Variants in ANKRD12 observed in about 807,000 individuals in gnomAD.
ANKRD12 encodes the protein ankyrin repeat domain-containing protein 12.
Under a neutral mutation model 183.4 loss-of-function variants are expected in ANKRD12, and 85 were observed. The ratio of observed to expected loss-of-function variants is 0.46; its 90% confidence interval spans 0.39 to 0.56. The LOEUF is 0.56. ANKRD12 is among the 20% of genes least tolerant of loss of function. The pLI is 0.00. For missense variants in ANKRD12, 2,405 were observed against 2,357.1 expected (o/e 1.02, Z -0.42); for synonymous variants, 914 against 800.2 (o/e 1.14, Z -2.40).
intron 6 of ANKRD12, among the ~76,000 whole-genome samples, chr18:9,213,038 A>G (rs1280638696): frequency 1.3e-5 from 2 of 151,886 alleles, no homozygotes; most frequent in East Asian, 3.8e-4. Flanking sequence ...CTCTCATTAC[A>G]GTGTTTATTG....
chr18:9,245,437 G>T lies in ANKRD12; in HGVS notation c.944-8774G>T, dbSNP rs148323561. 1.4e-3 allele frequency among the ~76,000 whole-genome samples: 217 copies of T among 152,194 alleles called. 1 individual carries two copies. The highest frequency in any genetic ancestry group is 5.1e-3 in the African/African-American group (211 of 41,510). On this transcript the variant is annotated intron_variant, in intron 8 of 12. Coordinates refer to ENST00000262126, the MANE Select transcript of ANKRD12 (RefSeq NM_015208.5). ...ATCATACCACCACTCTCCAGCTGGG[G>T]CTACAGAGCTAGACCCTGTCTCAAA...
At chr18:9,248,691 GT>G (rs1233211897) in intron 8 of ANKRD12, among the ~76,000 whole-genome samples, 1 of 152,174 alleles carries the variant, frequency 6.6e-6, no homozygotes, top group African/African-American at 2.4e-5. Context: ...TGGCAAAAAT[GT>G]TCAACAGCTG....
intron 8 of ANKRD12, among the ~76,000 whole-genome samples, chr18:9,239,058 G>T (rs951996002): frequency 1.3e-5 from 2 of 152,186 alleles, no homozygotes; most frequent in Admixed American, 1.3e-4. Context: ...CTGGGAGGTC[G>T]AGGCTGCCAT....
At chr18:9,248,219 A>T (rs2038076933) in intron 8 of ANKRD12, among the ~76,000 whole-genome samples, 1 of 152,184 alleles carries the variant, frequency 6.6e-6, no homozygotes, top group Non-Finnish European at 1.5e-5. Flanking sequence ...GTTTAATAGG[A>T]GATCGTAATT....
intron 3 of ANKRD12, among the ~76,000 whole-genome samples, chr18:9,202,729 A>C (rs567905487): frequency 1.3e-5 from 2 of 152,344 alleles, no homozygotes; most frequent in Non-Finnish European, 2.9e-5. Flanking sequence ...AGTCTCATAC[A>C]GCCTAGTCTC....
Position 9,258,006 on chromosome 18 carries a change from A to C in ANKRD12, c.4739A>C (p.Tyr1580Ser), listed in dbSNP as rs1262871492. 1.2e-6 allele frequency: 2 copies of C among 1,613,720 alleles called. No homozygotes were observed. Among genetic ancestry groups the C allele is most frequent in the South Asian group, 2.2e-5 (2 of 91,052 alleles). The change falls in exon 9 of 13, where the codon TAT (tyrosine) becomes TCT (serine). Residue 1580 changes from tyrosine to serine, a missense_variant. Tyr to Ser is a moderately radical substitution (Grantham distance 144, BLOSUM62 -2). This residue lies in a region of ANKRD12 where 1,983 missense variants were observed against 1,725.9 expected (regional missense o/e 1.15). Coordinates refer to ENST00000262126, the MANE Select transcript of ANKRD12 (RefSeq NM_015208.5). ...QEASPNFEKA[Y>S]TLPVLPSEKD... ...GCATCACCAAACTTTGAGAAAGCTT[A>C]TACTTTACCTGTGTTACCATCAGAA...
At position 9,256,635 on chromosome 18, in the gene ANKRD12, A is replaced by C. The variant is rs549560546; in HGVS notation, c.3368A>C (p.Lys1123Thr). ...TGTTTAGAACTTAAAATAAAAGATAAAGAAAAAACAAAGCATACACCAACT... is the reference window on the plus strand; with the variant it reads ...TGTTTAGAACTTAAAATAAAAGATACAGAAAAAACAAAGCATACACCAACT... ...RNCLELKIKD[K>T]EKTKHTPTES... Residue 1123 changes from lysine (K) to threonine (T), a missense_variant, in exon 9 of 13, where the codon AAA (lysine) becomes ACA (threonine). By Grantham distance (78) the Lys-to-Thr change is moderately conservative. Around this residue, in one of 7 missense-constraint regions of ANKRD12, gnomAD observed 1,983 missense variants for 1,725.9 expected, o/e 1.15. Coordinates refer to ENST00000262126, the MANE Select transcript of ANKRD12 (RefSeq NM_015208.5). 6.8e-6 allele frequency: 11 copies of C among 1,606,604 alleles called. No individual in the cohort carries two copies. In the African/African-American group the frequency reaches 9.4e-5, roughly 14 times the overall value.
In ANKRD12 at chr18:9,234,398, G is replaced by A. The variant is rs192024971; in HGVS notation, c.943+12399G>A. Among the ~76,000 whole-genome samples, 30 of 152,282 alleles carry A rather than the reference G, an allele frequency of 2.0e-4. 1 individual carries two copies. The East Asian group carries it at 5.8e-3, about 29-fold the overall frequency. On this transcript the variant is annotated intron_variant, in intron 8 of 12. Coordinates refer to ENST00000262126, the MANE Select transcript of ANKRD12 (RefSeq NM_015208.5). The stretch of plus-strand genomic sequence containing the variant: ...CACACAGTTTGTGCTGCTGGTGGTG[G>A]GGTCACTTTTCACAGCTGTATGCAG...
Position 9,226,286 on chromosome 18 carries a change from G to A in ANKRD12, c.943+4287G>A, listed in dbSNP as rs762118606. Among the ~76,000 whole-genome samples the A allele has an allele frequency of 8.5e-5, 13 of 152,148 alleles. 1 individual carries two copies. The highest frequency in any genetic ancestry group is 1.7e-4 in the African/African-American group (7 of 41,500). On this transcript the variant is annotated intron_variant, in intron 8 of 12. Coordinates refer to ENST00000262126, the MANE Select transcript of ANKRD12 (RefSeq NM_015208.5). ...TAAAGGTACAAAAACTTAGCTGGGCGTGGTGGTGCGTGCCTGTAGTCCCAG... is the reference window on the plus strand; with the variant it reads ...TAAAGGTACAAAAACTTAGCTGGGCATGGTGGTGCGTGCCTGTAGTCCCAG...
At chr18:9,170,188 G>A (rs2032550919) in intron 1 of ANKRD12, among the ~76,000 whole-genome samples, 1 of 151,966 alleles carries the variant, frequency 6.6e-6, no homozygotes, top group Non-Finnish European at 1.5e-5. Context: ...ACAATTATGT[G>A]TCTTGGAGTT....
At position 9,204,515 on chromosome 18, in the gene ANKRD12, G is replaced by C. The variant is rs1347826848; in HGVS notation, c.275G>C (p.Arg92Thr). 2 of 1,602,444 alleles carry C rather than the reference G, an allele frequency of 1.2e-6. No individual in the cohort carries two copies. Among genetic ancestry groups the C allele is most frequent in the Admixed American group, 3.4e-5 (2 of 59,008 alleles). Residue 92 changes from arginine to threonine, a missense_variant, in exon 4 of 13, where the codon AGA (arginine) becomes ACA (threonine). Transcript: ENST00000262126. ...CATACAAGTGAAAATTGGGGGGAGA[G>C]ACTTATATCTTCTTACAGGACATAC... ...PGHTSENWGE[R>T]LISSYRTYSE...
chr18:9,236,668 GTTAT>G (rs1259657164), intron 8 of ANKRD12, among the ~76,000 whole-genome samples: 2 of 151,960 alleles, frequency 1.3e-5, no homozygotes, highest in Non-Finnish European at 2.9e-5. Flanking sequence ...GTGTATAATA[GTTAT>G]TTATAGGAAT....
rs780466529 is a variant in ANKRD12 at position 9,258,552 on chromosome 18, G to A, written c.5285G>A (p.Ser1762Asn). The A allele has an allele frequency of 6.2e-7, 1 of 1,613,752 alleles. No individual in the cohort carries two copies. Among genetic ancestry groups the A allele is most frequent in the South Asian group, 1.1e-5 (1 of 91,044 alleles). Residue 1762 changes from serine (S) to asparagine (N), a missense_variant, in exon 9 of 13, where the codon AGT becomes AAT. By Grantham distance (46) the Ser-to-Asn change is conservative (BLOSUM62 1). Around this residue, in one of 7 missense-constraint regions of ANKRD12, gnomAD observed 1,983 missense variants for 1,725.9 expected, o/e 1.15. Transcript: ENST00000262126. Reference sequence around the variant, plus strand: ...TGTACACTATTATCAGAAAAAGACAGTGAATCCTCATCTCCTAGAGGAAGA... The same window carrying A: ...TGTACACTATTATCAGAAAAAGACAATGAATCCTCATCTCCTAGAGGAAGA... ...ASCTLLSEKD[S>N]ESSSPRGRIR... is the part of the protein sequence containing the mutation.
At chr18:9,171,390 CTG>C (rs1365162072) in intron 1 of ANKRD12, among the ~76,000 whole-genome samples, 1 of 152,258 alleles carries the variant, frequency 6.6e-6, no homozygotes, top group East Asian at 1.9e-4. Context: ...TTTTGCCATT[CTG>C]TGTCTTTTAA....
In ANKRD12 at chr18:9,285,719, A is replaced by G. The variant is rs1417977342; in HGVS notation, c.*4593A>G. 5 of 152,186 alleles carry G rather than the reference A, an allele frequency of 3.3e-5. No individual in the cohort carries two copies. Among genetic ancestry groups the G allele is most frequent in the African/African-American group, 1.2e-4 (5 of 41,456 alleles). The allele number at this position is 152,186 out of a possible 1,614,324, so 9.4% of individuals were successfully genotyped here. ...TCTCTCCAGTCACTACCCCTGAGGCAGCCACTGTGCTGATTTCCCATCACC... is the reference window on the plus strand; with the variant it reads ...TCTCTCCAGTCACTACCCCTGAGGCGGCCACTGTGCTGATTTCCCATCACC... On this transcript the variant is annotated 3_prime_UTR_variant, in exon 13 of 13. Coordinates refer to ENST00000262126, the MANE Select transcript of ANKRD12 (RefSeq NM_015208.5).
Position 9,208,680 on chromosome 18 carries a change from A to C in ANKRD12, c.328A>C (p.Lys110Gln). The C allele has an allele frequency of 6.2e-7, 1 of 1,609,728 alleles. No individual in the cohort carries two copies. The highest frequency in any genetic ancestry group is 8.5e-7 in the Non-Finnish European group (1 of 1,178,450). Residue 110 changes from lysine to glutamine, a missense_variant, in exon 5 of 13, where the codon AAG (lysine) becomes CAG (glutamine). Physicochemically the swap from Lys to Gln is moderately conservative, Grantham distance 53. This residue lies in a region of ANKRD12 where 145 missense variants were observed against 145.6 expected (regional missense o/e 1.00). Transcript: ENST00000262126. ...YSEKEGPEKK[K>Q]TKKEAGNKKS... ...AGAGAAAGAAGGTCCAGAAAAGAAGAAGACAAAAAAGGAAGCTGGAAATAA... is the reference window on the plus strand; with the variant it reads ...AGAGAAAGAAGGTCCAGAAAAGAAGCAGACAAAAAAGGAAGCTGGAAATAA...
chr18:9,215,037 A>T (rs1037180169), intron 6 of ANKRD12, among the ~76,000 whole-genome samples: 2 of 152,150 alleles, frequency 1.3e-5, no homozygotes, highest in African/African-American at 4.8e-5. Flanking sequence ...GTTTAAAAAA[A>T]TGTCAAGATA....
Position 9,256,953 on chromosome 18 carries a change from A to G in ANKRD12, c.3686A>G (p.Tyr1229Cys). The change falls in exon 9 of 13, where the codon TAT (tyrosine) becomes TGT (cysteine). Residue 1229 changes from tyrosine to cysteine, a missense_variant. Transcript: ENST00000262126. ...ACAACCCCAAGGCCTCCAGTTGAGTATGACTCTGACTTTATGTTAGAGAGT... is the reference window on the plus strand; with the variant it reads ...ACAACCCCAAGGCCTCCAGTTGAGTGTGACTCTGACTTTATGTTAGAGAGT... ...TVTTPRPPVE[Y>C]DSDFMLESSE... 6.2e-7 allele frequency: 1 copy of G among 1,614,128 alleles called. No homozygotes were observed. Among genetic ancestry groups the G allele is most frequent in the South Asian group, 1.1e-5 (1 of 91,086 alleles).
intron 2 of ANKRD12, among the ~76,000 whole-genome samples, chr18:9,195,322 T>G (rs902477116): frequency 6.6e-6 from 1 of 152,040 alleles, no homozygotes; most frequent in Admixed American, 6.6e-5. Flanking sequence ...CAGGTACCCC[T>G]GAACGTAAAA....
Sources: allele counts gnomAD v4.1 joint callset (sites outside exome capture counted in the v4.1 genomes callset), GRCh38; gene constraint gnomAD v4.1.1; regional missense constraint gnomAD v4.1.1; transcripts MANE v1.5; gene names NCBI Gene and HGNC (gene_info 2026-07-23, HGNC 2026-07-21).